SLC25A17: variants seen among roughly 807,000 people sequenced by gnomAD.
SLC25A17 encodes the protein solute carrier family 25 member 17, also known as peroxisomal membrane protein PMP34.
A neutral mutation model predicts 38.5 loss-of-function variants in SLC25A17; 26 were observed. The observed-to-expected ratio is 0.68, with a 90% CI of 0.50 to 0.94. The LOEUF is 0.94. Ranked by LOEUF, SLC25A17 falls within the 40% of genes least tolerant of loss-of-function variation. The pLI, the probability that SLC25A17 is intolerant of heterozygous loss-of-function variation, is 0.00. For missense variants in SLC25A17, 333 were observed against 372.7 expected (o/e 0.89, Z 0.88); for synonymous variants, 139 against 136.2 (o/e 1.02, Z -0.14).
At chr22:40,816,238 G>C (rs1269555931) in intron 1 of SLC25A17, among the ~76,000 whole-genome samples, 1 of 151,162 alleles carries the variant, frequency 6.6e-6, no homozygotes, top group Non-Finnish European at 1.5e-5. Flanking sequence ...AAGAAAAAAA[G>C]AGAAAAATAG....
At chr22:40,771,261 C>A (rs1031031766) in intron 8 of SLC25A17, among the ~76,000 whole-genome samples, 1 of 152,168 alleles carries the variant, frequency 6.6e-6, no homozygotes, top group Non-Finnish European at 1.5e-5. Flanking sequence ...GCACCCGCCA[C>A]GACACCAGGC....
chr22:40,814,667 T>A (rs2057616931), intron 1 of SLC25A17, among the ~76,000 whole-genome samples: 1 of 151,494 alleles, frequency 6.6e-6, no homozygotes. Context: ...TTCACAATAG[T>A]AGATTAAGCT....
At chr22:40,774,162 A>C (rs960924167) in intron 7 of SLC25A17, 143 bp from the exon 8 acceptor site, 2 of 524,758 alleles carry the variant, frequency 3.8e-6, no homozygotes, top group Non-Finnish European at 6.7e-6. Flanking sequence ...GATTTCATTA[A>C]TCCTGTATTT....
chr22:40,785,855 A>G (rs1478638085), intron 4 of SLC25A17, among the ~76,000 whole-genome samples: 3 of 151,188 alleles, frequency 2.0e-5, no homozygotes, highest in African/African-American at 7.3e-5. Context: ...AGGCTGTCTT[A>G]AACTCCTGGC....
chr22:40,805,893 C>T (rs6002154), intron 1 of SLC25A17, among the ~76,000 whole-genome samples: 8 of 152,144 alleles, frequency 5.3e-5, no homozygotes, highest in Admixed American at 1.3e-4. Flanking sequence ...CTAATACAGC[C>T]GGATTACTAT....
intron 1 of SLC25A17, among the ~76,000 whole-genome samples, chr22:40,816,122 G>C (rs1209567477): frequency 6.6e-6 from 1 of 151,794 alleles, no homozygotes; most frequent in Non-Finnish European, 1.5e-5. Flanking sequence ...CCAGGAGGCG[G>C]AGGTTGTGGT....
intron 2 of SLC25A17, chr22:40,797,412 G>T: frequency 1.6e-6 from 1 of 640,064 alleles, no homozygotes; most frequent in Non-Finnish European, 2.6e-6. Flanking sequence ...AGGACTACAT[G>T]CCTACATTAG....
At chr22:40,817,308 G>A (rs1265620862) in intron 1 of SLC25A17, 2 of 152,348 alleles carry the variant, frequency 1.3e-5, no homozygotes. Context: ...CCCTCCTGCA[G>A]TACTGATCCA....
At chr22:40,812,127 T>G (rs2057588422) in intron 1 of SLC25A17, among the ~76,000 whole-genome samples, 1 of 152,038 alleles carries the variant, frequency 6.6e-6, no homozygotes, top group South Asian at 2.1e-4. Flanking sequence ...ACTCCTGGCC[T>G]CAAGTGTTTT....
At chr22:40,796,245 G>A (rs944442713) in intron 2 of SLC25A17, among the ~76,000 whole-genome samples, 1 of 152,152 alleles carries the variant, frequency 6.6e-6, no homozygotes, top group African/African-American at 2.4e-5. Flanking sequence ...TACCTGAAAA[G>A]TAATTTTAGA....
intron 1 of SLC25A17, among the ~76,000 whole-genome samples, chr22:40,810,689 A>G (rs1287422589): frequency 6.6e-6 from 1 of 152,214 alleles, no homozygotes; most frequent in Non-Finnish European, 1.5e-5. Flanking sequence ...CAAAGCATGC[A>G]CATAGTTTAA....
Position 40,770,619 on chromosome 22 carries a change from C to T in SLC25A17, c.*215G>A. On this transcript the variant is annotated 3_prime_UTR_variant, in exon 9 of 9. Transcript: ENST00000435456. ...TCAGCAATGTTTTTTTCACATTAGTCCAACTGCCACCCCAAAATCCAACCA... is the reference window on the plus strand; with the variant it reads ...TCAGCAATGTTTTTTTCACATTAGTTCAACTGCCACCCCAAAATCCAACCA... 2 of 384,226 alleles carry T rather than the reference C, an allele frequency of 5.2e-6. No individual in the cohort carries two copies. Among genetic ancestry groups the T allele is most frequent in the East Asian group, 7.8e-5 (2 of 25,736 alleles). The allele number at this position is 384,226 out of a possible 1,614,324, so 23.8% of individuals were successfully genotyped here.
At chr22:40,783,011 A>T (rs756287354) in intron 4 of SLC25A17, among the ~76,000 whole-genome samples, 1 of 152,216 alleles carries the variant, frequency 6.6e-6, no homozygotes, top group East Asian at 1.9e-4. Flanking sequence ...GATACAACTC[A>T]TTTCTACAGT....
chr22:40,811,075 C>T (rs781200187), intron 1 of SLC25A17, among the ~76,000 whole-genome samples: 8 of 151,872 alleles, frequency 5.3e-5, no homozygotes, highest in Admixed American at 5.2e-4. Flanking sequence ...GGACCACAGA[C>T]GTGAGCCACC....
rs150918938 is a variant in SLC25A17 at position 40,800,789 on chromosome 22, CA to C, written c.55-1707del. Among the ~76,000 whole-genome samples the C allele has an allele frequency of 6.4e-3, 710 of 110,254 alleles. 2 individuals are homozygous for C. The highest frequency in any genetic ancestry group is 6.9e-3 in the Admixed American group (73 of 10,610). The allele number at this position is 110,254 out of a possible 152,430, so 72.3% of individuals were successfully genotyped here. A position where few individuals can be genotyped will look rare whatever the true frequency, so the allele number is the denominator to read the frequency against. On this transcript the variant is annotated intron_variant, in intron 1 of 8. Transcript: ENST00000435456. ...TGGGTGACAAAGCGAGAGTCTGCCT[CA>C]AAAAAAAAAAAAAAAATTTTGAATA...
At chr22:40,798,958 A>G in intron 2 of SLC25A17, 65 bp downstream of exon 2, 2 of 1,133,692 alleles carry the variant, frequency 1.8e-6, no homozygotes, top group African/African-American at 1.6e-5. Flanking sequence ...AAAAAAAAAA[A>G]GAAATTACTA....
chr22:40,801,897 T>G (rs1179080023), intron 1 of SLC25A17, among the ~76,000 whole-genome samples: 1 of 152,160 alleles, frequency 6.6e-6, no homozygotes, highest in East Asian at 1.9e-4. Context: ...TTCAAGCGAT[T>G]CTCCTGTCTC....
At chr22:40,797,352 G>A (rs1300654308) in intron 2 of SLC25A17, 1 of 1,291,044 alleles carries the variant, frequency 7.7e-7, no homozygotes, top group Non-Finnish European at 1.0e-6. Context: ...GAAAAAACAA[G>A]CAAGAATCAC....
At chr22:40,809,545 T>A (rs761737881) in intron 1 of SLC25A17, among the ~76,000 whole-genome samples, 1 of 151,928 alleles carries the variant, frequency 6.6e-6, no homozygotes, top group African/African-American at 2.4e-5. Flanking sequence ...AGTGGGAGAA[T>A]TGCTTGAGCC....
Sources: allele counts gnomAD v4.1 joint callset (sites outside exome capture counted in the v4.1 genomes callset), GRCh38; gene constraint gnomAD v4.1.1; transcripts MANE v1.5; gene names NCBI Gene and HGNC (gene_info 2026-07-23, HGNC 2026-07-21).